TBC1D32: variants seen among roughly 807,000 people sequenced by gnomAD.
TBC1D32 encodes protein broad-minded.
A neutral mutation model predicts 170.3 loss-of-function variants in TBC1D32; 151 were observed. The ratio of observed to expected loss-of-function variants is 0.89; its 90% confidence interval spans 0.78 to 1.01. TBC1D32 has a LOEUF of 1.01. TBC1D32 is among the 50% of genes least tolerant of loss of function. The pLI is 0.00. For missense variants in TBC1D32, 1,464 were observed against 1,457.1 expected, an observed-to-expected ratio of 1.00 and a Z score of -0.08; for synonymous variants, 498 against 488.0, an observed-to-expected ratio of 1.02 and a Z score of -0.27.
chr6:121,115,685 G>A (rs57812895), intron 26 of TBC1D32: 11,553 of 152,506 alleles, frequency 0.076, 865 homozygotes, highest in African/African-American at 0.2. Flanking sequence ...ACGTATGAGG[G>A]TAGAATGAAT....
At chr6:121,318,168 C>T (rs1809194458) in intron 2 of TBC1D32, among the ~76,000 whole-genome samples, 2 of 152,006 alleles carry the variant, frequency 1.3e-5, no homozygotes, top group Non-Finnish European at 2.9e-5. Flanking sequence ...TTGTATACTC[C>T]CAAGACCTAT....
chr6:121,289,105 GC>G (rs2128458989), intron 12 of TBC1D32, among the ~76,000 whole-genome samples: 1 of 152,298 alleles, frequency 6.6e-6, no homozygotes, highest in South Asian at 2.1e-4. Flanking sequence ...AGACAAGGAT[GC>G]CCTCTCTCAC....
chr6:121,203,736 G>A (rs534480283), intron 22 of TBC1D32, among the ~76,000 whole-genome samples: 5 of 151,304 alleles, frequency 3.3e-5, no homozygotes, highest in East Asian at 3.9e-4. Context: ...TGATCACAAC[G>A]TCCATGTTGC....
At chr6:121,281,001 C>T (rs1456368587) in intron 14 of TBC1D32, among the ~76,000 whole-genome samples, 2 of 151,850 alleles carry the variant, frequency 1.3e-5, no homozygotes, top group East Asian at 3.9e-4. Context: ...AATGTCTGAC[C>T]TAAAGCAAGT....
chr6:121,158,593 G>T (rs1785200625), intron 24 of TBC1D32, among the ~76,000 whole-genome samples: 1 of 152,118 alleles, frequency 6.6e-6, no homozygotes, highest in Non-Finnish European at 1.5e-5. Flanking sequence ...TTTTTGAATT[G>T]CCATGTGGAG....
chr6:121,200,147 C>T (rs931145755), intron 22 of TBC1D32, among the ~76,000 whole-genome samples: 1 of 151,166 alleles, frequency 6.6e-6, no homozygotes, highest in Non-Finnish European at 1.5e-5. Context: ...ATTATAGTTT[C>T]AAATGAGCAA....
chr6:121,265,369 C>A (rs1441485328), intron 15 of TBC1D32, among the ~76,000 whole-genome samples: 1 of 152,094 alleles, frequency 6.6e-6, no homozygotes, highest in Non-Finnish European at 1.5e-5. Flanking sequence ...TGAAGGAACT[C>A]TTCAAAGTGA....
At position 121,241,461 on chromosome 6, in the gene TBC1D32, T is replaced by C. The variant is rs1408962924; in HGVS notation, c.2245+4A>G. ...TATAATTCTAATGAAAAGAAAACAT[T>C]TACCTGACTTTTTTAGTGCAATGCC... On this transcript the variant is annotated splice_donor_region_variant and intron_variant, in intron 19 of 31. Coordinates refer to ENST00000398212, the MANE Select transcript of TBC1D32 (RefSeq NM_152730.6). 1 of 1,610,424 alleles carries C rather than the reference T, an allele frequency of 6.2e-7. No homozygotes were observed. The highest frequency in any genetic ancestry group is 8.5e-7 in the Non-Finnish European group (1 of 1,177,954).
intron 26 of TBC1D32, 25 bp downstream of exon 26, chr6:121,126,353 A>T: frequency 6.4e-7 from 1 of 1,564,354 alleles, no homozygotes; most frequent in Non-Finnish European, 8.7e-7. Flanking sequence ...AGTCTTTTTC[A>T]AACTTCACAA....
intron 19 of TBC1D32, among the ~76,000 whole-genome samples, chr6:121,239,748 C>T (rs1027698818): frequency 1.1e-4 from 16 of 152,116 alleles, no homozygotes; most frequent in Admixed American, 9.2e-4. Flanking sequence ...ACGAGTCATA[C>T]TATACAACTA....
intron 3 of TBC1D32, among the ~76,000 whole-genome samples, chr6:121,312,194 G>A (rs1808312547): frequency 6.6e-6 from 1 of 151,988 alleles, no homozygotes; most frequent in African/African-American, 2.4e-5. Context: ...GGCCTGTCAG[G>A]GAATGAGGGG....
intron 22 of TBC1D32, among the ~76,000 whole-genome samples, chr6:121,181,476 A>C (rs1018920603): frequency 3.9e-5 from 6 of 152,082 alleles, no homozygotes; most frequent in African/African-American, 1.4e-4. Context: ...AGATTTCCTG[A>C]GGCCTCTTCA....
chr6:121,193,889 G>A (rs1001478935), intron 22 of TBC1D32, among the ~76,000 whole-genome samples: 2 of 152,280 alleles, frequency 1.3e-5, no homozygotes, highest in South Asian at 4.1e-4. Flanking sequence ...TTAAGTGAAG[G>A]AGAGACTGGG....
chr6:121,131,048 C>T (rs1781388875), intron 25 of TBC1D32, among the ~76,000 whole-genome samples: 1 of 151,980 alleles, frequency 6.6e-6, no homozygotes, highest in Non-Finnish European at 1.5e-5. Context: ...TTACGGTTTT[C>T]AGGAAATCTA....
intron 30 of TBC1D32, among the ~76,000 whole-genome samples, chr6:121,104,560 A>G (rs1286029925): frequency 1.3e-5 from 2 of 151,772 alleles, no homozygotes; most frequent in African/African-American, 4.8e-5. Context: ...GTACATTAAC[A>G]TTACAAAGAT....
chr6:121,316,824 T>TA (rs201428874), intron 3 of TBC1D32, among the ~76,000 whole-genome samples: 2,872 of 152,240 alleles, frequency 0.019, 101 homozygotes, highest in African/African-American at 0.066. Context: ...GTGAAAAATG[T>TA]TTGACTAAAA....
intron 2 of TBC1D32, among the ~76,000 whole-genome samples, chr6:121,319,988 T>C (rs1414240410): frequency 6.6e-6 from 1 of 152,018 alleles, no homozygotes; most frequent in Non-Finnish European, 1.5e-5. Context: ...ACCACATCAA[T>C]TAACAATGAA....
chr6:121,260,109 G>A (rs1401983221), intron 15 of TBC1D32, among the ~76,000 whole-genome samples: 2 of 151,996 alleles, frequency 1.3e-5, no homozygotes, highest in Admixed American at 6.6e-5. Flanking sequence ...TGACATTAGG[G>A]GTTCCCAAAC....
rs1791322291 is a variant in TBC1D32, at chr6:121,199,951, A to G, written c.2570+5124T>C. Among the ~76,000 whole-genome samples the G allele has an allele frequency of 2.0e-5, 3 of 151,396 alleles. No individual in the cohort carries two copies. In the South Asian group the frequency reaches 6.2e-4, roughly 31 times the overall value. On this transcript the variant is annotated intron_variant, in intron 22 of 31. Transcript: ENST00000398212. ...ACTTTTCATATTAAAGTCATCTCAG[A>G]GGTCAGACTTTTTTAACAAAGAAGC... is the stretch of plus-strand genomic sequence containing the variant.
Sources: gnomAD v4.1 joint callset for allele counts (sites outside exome capture counted in the v4.1 genomes callset) on GRCh38, gnomAD v4.1.1 for gene constraint, MANE v1.5 for transcripts, NCBI Gene and HGNC (gene_info 2026-07-23, HGNC 2026-07-21) for gene names.